The following DGKB variants were observed in gnomAD, a reference collection of about 807,000 sequenced individuals.
The protein encoded by DGKB is diacylglycerol kinase beta.
Under a neutral mutation model 114.3 loss-of-function variants are expected in DGKB, and 67 were observed. That is an observed-to-expected ratio of 0.59 (90% CI 0.48 to 0.72). The LOEUF is 0.72. Ranked by LOEUF, DGKB falls within the 30% of genes least tolerant of loss-of-function variation. The probability of loss-of-function intolerance (pLI) is 0.00; values close to 1 mark genes in which losing one functional copy is unlikely to be tolerated. For synonymous variants in DGKB, 398 were observed against 323.1 expected, an observed-to-expected ratio of 1.23 and a Z score of -2.49; for missense variants, 907 against 975.2, an observed-to-expected ratio of 0.93 and a Z score of 0.93.
chr7:14,784,073 T>A (rs1448054524), intron 2 of DGKB, among the ~76,000 whole-genome samples: 2 of 152,194 alleles, frequency 1.3e-5, no homozygotes, highest in Non-Finnish European at 2.9e-5. Context: ...TTTAATTTTT[T>A]AAACATGAAT....
At chr7:14,808,741 C>T (rs548429234) in intron 2 of DGKB, among the ~76,000 whole-genome samples, 5 of 152,202 alleles carry the variant, frequency 3.3e-5, no homozygotes, top group South Asian at 2.1e-4. Context: ...GGCCAGCAGA[C>T]GCCAAGAGGC....
At chr7:14,252,322 C>T (rs1010354364) in intron 23 of DGKB, among the ~76,000 whole-genome samples, 1 of 152,090 alleles carries the variant, frequency 6.6e-6, no homozygotes, top group Non-Finnish European at 1.5e-5. Context: ...TTACCAATTT[C>T]CTTAGGGTTG....
At chr7:14,334,402 G>A (rs963918887) in intron 23 of DGKB, among the ~76,000 whole-genome samples, 3 of 146,518 alleles carry the variant, frequency 2.0e-5, no homozygotes, top group Non-Finnish European at 4.6e-5. Context: ...GTGTGCGCGC[G>A]CGTGTATGTG....
chr7:14,821,637 G>A (rs1356189870), intron 2 of DGKB, among the ~76,000 whole-genome samples: 1 of 152,178 alleles, frequency 6.6e-6, no homozygotes, highest in Non-Finnish European at 1.5e-5. Context: ...TTTGAAAGGT[G>A]GGCCAGAGAA....
chr7:14,877,024 G>T (rs1162898136), intron 1 of DGKB, among the ~76,000 whole-genome samples: 2 of 152,074 alleles, frequency 1.3e-5, no homozygotes, highest in Non-Finnish European at 2.9e-5. Flanking sequence ...TTAGTGCTAC[G>T]AAGAAGCACT....
chr7:14,552,286 G>T (rs1795212011), intron 20 of DGKB, among the ~76,000 whole-genome samples: 1 of 152,106 alleles, frequency 6.6e-6, no homozygotes, highest in Non-Finnish European at 1.5e-5. Flanking sequence ...ATACGCATTT[G>T]TGGAATAAAC....
chr7:14,607,419 T>G lies in DGKB; in HGVS notation c.1433+15A>C. 7.3e-7 allele frequency: 1 copy of G among 1,360,962 alleles called. No homozygotes were observed. Among genetic ancestry groups the G allele is most frequent in the Non-Finnish European group, 1.0e-6 (1 of 955,432 alleles). 84.3% of individuals were successfully genotyped at this position (1,360,962 alleles called of 1,614,324 possible). On this transcript the variant is annotated intron_variant, in intron 17 of 25. Transcript: ENST00000402815. ...TTAACTGAGTTAATGGTAATAATAT[T>G]ATCCTTGGACTTACCCTGGCATTGG...
At chr7:14,895,308 G>C (rs1004139238) in intron 1 of DGKB, among the ~76,000 whole-genome samples, 2 of 151,328 alleles carry the variant, frequency 1.3e-5, no homozygotes, top group Non-Finnish European at 3.0e-5. Context: ...AATTGCTTCA[G>C]GTGTATAAGC....
intron 1 of DGKB, among the ~76,000 whole-genome samples, chr7:14,877,423 C>T (rs1235687909): frequency 8.5e-5 from 13 of 152,120 alleles, no homozygotes; most frequent in Admixed American, 7.2e-4. Flanking sequence ...AGTGTTGTGG[C>T]ACATGCCTGT....
At chr7:14,589,146 G>A (rs780170167) in intron 17 of DGKB, among the ~76,000 whole-genome samples, 3 of 151,796 alleles carry the variant, frequency 2.0e-5, no homozygotes, top group Non-Finnish European at 4.4e-5. Flanking sequence ...TGTGGTTTTT[G>A]TTGGTATTTT....
intron 13 of DGKB, among the ~76,000 whole-genome samples, chr7:14,647,658 T>G (rs4410800): frequency 0.76 from 115,812 of 152,038 alleles, 44,265 homozygotes; most frequent in Admixed American, 0.83. Flanking sequence ...GGCCGAATAG[T>G]AACAGCTCGG....
rs952490462 is a variant in DGKB, at chr7:14,746,777, G to A, written c.168+7151C>T. Among the ~76,000 whole-genome samples, 5 of 152,266 alleles carry A rather than the reference G, an allele frequency of 3.3e-5. No homozygotes were observed. The East Asian group carries it at 5.8e-4, about 18-fold the overall frequency. The stretch of plus-strand genomic sequence containing the variant: ...GCCTCCCAAAATACTGGGATTACAG[G>A]TGTGAGCCACCATGCCCAGCCAATT... On this transcript the variant is annotated intron_variant, in intron 4 of 25. Coordinates refer to ENST00000402815, the MANE Select transcript of DGKB (RefSeq NM_001350709.2).
chr7:14,159,730 C>A (rs578172854), intron 25 of DGKB, among the ~76,000 whole-genome samples: 1 of 152,128 alleles, frequency 6.6e-6, no homozygotes, highest in African/African-American at 2.4e-5. Flanking sequence ...AGTGCAGTGG[C>A]GCCATCTTGG....
intron 20 of DGKB, among the ~76,000 whole-genome samples, chr7:14,484,143 C>T (rs534719266): frequency 6.6e-6 from 1 of 151,702 alleles, no homozygotes; most frequent in South Asian, 2.1e-4. Context: ...GTATTTAACA[C>T]ACAGTTTAGA....
At chr7:14,877,896 G>A (rs1469055924) in intron 1 of DGKB, among the ~76,000 whole-genome samples, 6 of 152,116 alleles carry the variant, frequency 3.9e-5, no homozygotes, top group African/African-American at 1.4e-4. Context: ...CCAGCTTTGA[G>A]GGAGTGATTA....
chr7:14,480,613 C>A (rs1213130170), intron 20 of DGKB, among the ~76,000 whole-genome samples: 3 of 152,106 alleles, frequency 2.0e-5, no homozygotes, highest in Non-Finnish European at 2.9e-5. Flanking sequence ...ATAAATTTTA[C>A]CATTTCTGTC....
intron 21 of DGKB, among the ~76,000 whole-genome samples, chr7:14,448,749 C>T (rs1222846869): frequency 2.6e-5 from 4 of 152,158 alleles, no homozygotes; most frequent in Admixed American, 6.6e-5. Flanking sequence ...AAGTAAGTTG[C>T]TTAAGGTCAC....
intron 14 of DGKB, among the ~76,000 whole-genome samples, chr7:14,629,423 T>C (rs1296851457): frequency 6.6e-6 from 1 of 151,950 alleles, no homozygotes; most frequent in Non-Finnish European, 1.5e-5. Flanking sequence ...CCATTTTTGG[T>C]GGGGAGAAAA....
At chr7:14,683,064 A>G (rs1440943405) in intron 10 of DGKB, among the ~76,000 whole-genome samples, 1 of 152,164 alleles carries the variant, frequency 6.6e-6, no homozygotes, top group Non-Finnish European at 1.5e-5. Context: ...AGGCTCCTCT[A>G]TCATGGCATA....
Sources: gnomAD v4.1 joint callset for allele counts (sites outside exome capture counted in the v4.1 genomes callset) on GRCh38, gnomAD v4.1.1 for gene constraint, MANE v1.5 for transcripts, NCBI Gene and HGNC (gene_info 2026-07-23, HGNC 2026-07-21) for gene names.